The following TRIP12 variants were observed in gnomAD, a reference collection of about 807,000 sequenced individuals.
TRIP12 encodes E3 ubiquitin-protein ligase TRIP12.
TRIP12 carries 25 observed loss-of-function variants against 244.2 expected under a neutral mutation model. That is an observed-to-expected ratio of 0.10 (90% confidence interval 0.07 to 0.14). The LOEUF is 0.14. Among genes scored for constraint, TRIP12 ranks in the 10% least tolerant of loss-of-function variants. TRIP12 has a pLI of 1.00. For missense variants in TRIP12, 1,677 were observed against 2,486.4 expected (o/e 0.67, Z 6.92); for synonymous variants, 905 against 873.1 (o/e 1.04, Z -0.64).
intron 39 of TRIP12, among the ~76,000 whole-genome samples, chr2:229,770,939 T>A (rs573387393): frequency 6.6e-6 from 1 of 152,306 alleles, no homozygotes; most frequent in Admixed American, 6.5e-5. Context: ...ATAAACCTCT[T>A]TCTTTTGTAA....
intron 1 of TRIP12, among the ~76,000 whole-genome samples, chr2:229,904,225 C>G (rs1040484374): frequency 2.6e-5 from 4 of 151,752 alleles, no homozygotes; most frequent in African/African-American, 9.7e-5. Flanking sequence ...TGAAACCAAC[C>G]CAGTCAACAT....
intron 9 of TRIP12, among the ~76,000 whole-genome samples, 154 bp downstream of exon 9, chr2:229,818,210 G>A (rs776586423): frequency 1.8e-4 from 28 of 152,168 alleles, no homozygotes; most frequent in African/African-American, 6.8e-4. Context: ...CACAGTATCT[G>A]TAAGCATGAA....
Position 229,789,723 on chromosome 2 carries a change from T to C in TRIP12, c.4583A>G (p.Tyr1528Cys), listed in dbSNP as rs763239256. The C allele has an allele frequency of 6.2e-7, 1 of 1,614,036 alleles. No individual in the cohort carries two copies. Among genetic ancestry groups the C allele is most frequent in the Non-Finnish European group, 8.5e-7 (1 of 1,179,970 alleles). ...ATTTTCAGGTGGTGTGGGAATGAGG[T>C]AAACTTCTAAAGGATTTGATACTGA... is the stretch of plus-strand genomic sequence containing the variant. ...CPSVSNPLEVYLIPTPPENIT... is the reference protein window; with the variant it reads ...CPSVSNPLEVCLIPTPPENIT... The change falls in exon 31 of 42, where the codon TAC becomes TGC. Residue 1528 changes from tyrosine (Y) to cysteine (C), a missense_variant. Physicochemically the swap from Tyr to Cys is radical, Grantham distance 194 (BLOSUM62 -2). Around this residue, in one of 11 missense-constraint regions of TRIP12, gnomAD observed 265 missense variants for 370.8 expected, o/e 0.71. Coordinates refer to ENST00000675903, the MANE Select transcript of TRIP12 (RefSeq NM_001348323.3).
intron 4 of TRIP12, among the ~76,000 whole-genome samples, chr2:229,847,275 C>T (rs887234236): frequency 6.6e-6 from 1 of 152,198 alleles, no homozygotes; most frequent in Admixed American, 6.5e-5. Context: ...ACAACTATTA[C>T]CTTGCTCTGT....
At chr2:229,864,047 A>AGAGT in intron 2 of TRIP12, among the ~76,000 whole-genome samples, 318 of 79,266 alleles carry the variant, frequency 4.0e-3, no homozygotes, top group Non-Finnish European at 6.0e-3. Flanking sequence ...AGAGAGAGAG[A>AGAGT]GTGTGTGTGT....
chr2:229,880,017 G>A lies in TRIP12; in HGVS notation c.63C>T (p.Ala21=), dbSNP rs373813337. 3.5e-5 allele frequency: 57 copies of A among 1,613,900 alleles called. No homozygotes were observed. The highest frequency in any genetic ancestry group is 2.2e-4 in the East Asian group (10 of 44,890). The change falls in exon 2 of 42, where the codon GCC becomes GCT. Residue 21 remains alanine (A), a synonymous_variant. Coordinates refer to ENST00000675903, the MANE Select transcript of TRIP12 (RefSeq NM_001348323.3). The stretch of plus-strand genomic sequence containing the variant: ...TTGAGTCGTCTTGTGGTTGGGCCCC[G>A]GCAGTGTTCCTCTGTGAACGTCGCA... ...GSLRRSQRNT[A]GAQPQDDSIG... is the part of the protein sequence containing the mutation.
upstream of TRIP12, chr2:229,922,288 T>C: frequency 1.8e-6 from 1 of 556,506 alleles, no homozygotes; most frequent in Non-Finnish European, 3.2e-6. Flanking sequence ...CTCCCCTCCG[T>C]GGTAGCAGGA....
In TRIP12 at chr2:229,791,237, C is replaced by T; in HGVS notation, c.4430G>A (p.Arg1477Lys). The T allele has an allele frequency of 1.9e-6, 3 of 1,614,076 alleles. No homozygotes were observed. Among genetic ancestry groups the T allele is most frequent in the Non-Finnish European group, 2.5e-6 (3 of 1,179,962 alleles). The change falls in exon 30 of 42, where the codon AGA (arginine) becomes AAA (lysine). Residue 1477 changes from arginine (R) to lysine (K), a missense_variant. Coordinates refer to ENST00000675903, the MANE Select transcript of TRIP12 (RefSeq NM_001348323.3). ...KTHTIWYKPV[R>K]EDEESNKDCV... ...ATCTTTATTACTTTCTTCATCCTCTCTCACAGGTTTATACCTAAAATGACA... is the reference window on the plus strand; with the variant it reads ...ATCTTTATTACTTTCTTCATCCTCTTTCACAGGTTTATACCTAAAATGACA...
At position 229,795,297 on chromosome 2, in the gene TRIP12, G is replaced by T. The variant is rs2042538682; in HGVS notation, c.3850C>A (p.Pro1284Thr). ...PGEEPIGRVE[P>T]VGNAPLLALV... ...GCCAACAAAGGTGCATTACCCACTG[G>T]TTCCACTCTTCCAATGGGCTCTTCT... The change falls in exon 26 of 42, where the codon CCA becomes ACA. Residue 1284 changes from proline (P) to threonine (T), a missense_variant. Around this residue, in one of 11 missense-constraint regions of TRIP12, gnomAD observed 77 missense variants for 69.2 expected, o/e 1.11. Transcript: ENST00000675903. 2 of 1,613,668 alleles carry T rather than the reference G, an allele frequency of 1.2e-6. No homozygotes were observed. The highest frequency in any genetic ancestry group is 1.7e-6 in the Non-Finnish European group (2 of 1,179,870).
At chr2:229,920,290 G>C (rs959218658) in intron 1 of TRIP12, among the ~76,000 whole-genome samples, 1 of 152,144 alleles carries the variant, frequency 6.6e-6, no homozygotes, top group Non-Finnish European at 1.5e-5. Flanking sequence ...TGAGACTCTC[G>C]AGAGGAACAT....
intron 20 of TRIP12, among the ~76,000 whole-genome samples, chr2:229,803,047 T>C (rs907165644): frequency 5.3e-5 from 8 of 152,364 alleles, no homozygotes; most frequent in Non-Finnish European, 8.8e-5. Flanking sequence ...TCAAATTGTA[T>C]ACCAATATGC....
chr2:229,841,615 C>G (rs2056441734), intron 4 of TRIP12, among the ~76,000 whole-genome samples: 1 of 152,110 alleles, frequency 6.6e-6, no homozygotes, highest in Non-Finnish European at 1.5e-5. Context: ...CTTGCCCAAC[C>G]CTCACAGTGT....
intron 1 of TRIP12, among the ~76,000 whole-genome samples, chr2:229,906,733 A>G (rs2072956002): frequency 2.0e-5 from 3 of 151,820 alleles, no homozygotes; most frequent in Admixed American, 1.3e-4. Flanking sequence ...ACAAAAAAAA[A>G]AAAAGAAAAA....
chr2:229,803,854 T>G, intron 19 of TRIP12, 145 bp downstream of exon 19: 1 of 835,618 alleles, frequency 1.2e-6, no homozygotes, highest in Non-Finnish European at 1.8e-6. Context: ...AAAGCTATTA[T>G]GTGAATATAA....
At chr2:229,891,584 A>G (rs1215903545) in intron 1 of TRIP12, among the ~76,000 whole-genome samples, 4 of 152,134 alleles carry the variant, frequency 2.6e-5, no homozygotes, top group Non-Finnish European at 5.9e-5. Context: ...CCTGGGTGAC[A>G]GAGGGAGACC....
At chr2:229,860,288 G>C in intron 3 of TRIP12, 118 bp downstream of exon 3, 1 of 1,289,684 alleles carries the variant, frequency 7.8e-7, no homozygotes, top group Non-Finnish European at 1.1e-6. Flanking sequence ...AAGTTACTTA[G>C]AGAATAATGA....
At chr2:229,769,901 T>G in intron 39 of TRIP12, among the ~76,000 whole-genome samples, 1 of 152,230 alleles carries the variant, frequency 6.6e-6, no homozygotes, top group South Asian at 2.1e-4. Flanking sequence ...AATGCTTTCA[T>G]GTCCTTATAC....
intron 37 of TRIP12, among the ~76,000 whole-genome samples, chr2:229,775,864 TATA>T (rs1291489194): frequency 5.3e-5 from 8 of 151,928 alleles, no homozygotes; most frequent in Non-Finnish European, 7.4e-5. Context: ...AGTTGGTTAT[TATA>T]ATAAGTCAAT....
chr2:229,771,121 T>G (rs1226850442), intron 39 of TRIP12, among the ~76,000 whole-genome samples: 1 of 152,244 alleles, frequency 6.6e-6, no homozygotes, highest in Admixed American at 6.5e-5. Flanking sequence ...TAACTTTGAT[T>G]GTGAAACAAT....
Sources: gnomAD v4.1 joint callset for allele counts (sites outside exome capture counted in the v4.1 genomes callset) on GRCh38, gnomAD v4.1.1 for gene constraint, gnomAD v4.1.1 regional missense constraint, MANE v1.5 for transcripts, NCBI Gene and HGNC (gene_info 2026-07-23, HGNC 2026-07-21) for gene names.